RGS6: variants seen among roughly 807,000 people sequenced by gnomAD.
RGS6 encodes regulator of G-protein signaling 6.
In RGS6, 30 loss-of-function variants were observed where a neutral mutation model predicts 78.5. The observed-to-expected ratio is 0.38, with a 90% CI of 0.29 to 0.52. RGS6 has a LOEUF of 0.52. Ranked by LOEUF, RGS6 falls within the 20% of genes least tolerant of loss-of-function variation. The probability of loss-of-function intolerance (pLI) is 0.85; values close to 1 mark genes in which losing one functional copy is unlikely to be tolerated. For synonymous variants in RGS6, 206 were observed against 206.0 expected (o/e 1.00, Z 0.00); for missense variants, 495 against 609.7 (o/e 0.81, Z 1.98).
At chr14:72,215,422 A>G (rs1015239482) in intron 2 of RGS6, among the ~76,000 whole-genome samples, 1 of 152,204 alleles carries the variant, frequency 6.6e-6, no homozygotes, top group Non-Finnish European at 1.5e-5. Flanking sequence ...ATAGCACTTG[A>G]ACATAAATTT....
intron 2 of RGS6, among the ~76,000 whole-genome samples, chr14:72,272,313 G>A (rs2060063788): frequency 6.6e-6 from 1 of 152,142 alleles, no homozygotes; most frequent in Non-Finnish European, 1.5e-5. Context: ...GGAAAAGATG[G>A]ACAGCATGTT....
At chr14:72,268,425 C>T (rs1377804207) in intron 2 of RGS6, among the ~76,000 whole-genome samples, 1 of 152,194 alleles carries the variant, frequency 6.6e-6, no homozygotes, top group Non-Finnish European at 1.5e-5. Flanking sequence ...CAGGGTTTGA[C>T]AGGCAATGAA....
intron 2 of RGS6, among the ~76,000 whole-genome samples, chr14:72,268,696 AAGAG>A (rs2059449359): frequency 6.6e-6 from 1 of 152,202 alleles, no homozygotes; most frequent in Non-Finnish European, 1.5e-5. Context: ...GGGAGAGAGA[AAGAG>A]ACTTTAGGTG....
chr14:72,271,518 G>A (rs566056686), intron 2 of RGS6, among the ~76,000 whole-genome samples: 1 of 152,298 alleles, frequency 6.6e-6, no homozygotes. Context: ...ATCAACCACT[G>A]TAGACATGAC....
At chr14:72,504,279 C>A (rs552285326) in intron 13 of RGS6, among the ~76,000 whole-genome samples, 1 of 152,290 alleles carries the variant, frequency 6.6e-6, no homozygotes, top group South Asian at 2.1e-4. Flanking sequence ...TTTTTCAGAT[C>A]TTCAGGTTCT....
chr14:71,974,103 G>A (rs1417699349), intron 2 of RGS6, among the ~76,000 whole-genome samples: 1 of 152,002 alleles, frequency 6.6e-6, no homozygotes, highest in East Asian at 1.9e-4. Context: ...TTGGCAGGCA[G>A]TTGATCACTC....
At chr14:72,028,666 C>T (rs777918391) in intron 2 of RGS6, among the ~76,000 whole-genome samples, 12 of 152,154 alleles carry the variant, frequency 7.9e-5, no homozygotes, top group Non-Finnish European at 1.8e-4. Context: ...TCTAAGGCTG[C>T]GTCTGTGCTC....
chr14:72,571,622 A>G, the RGS6 span, among the ~76,000 whole-genome samples: 7 of 152,228 alleles, frequency 4.6e-5, no homozygotes, highest in Non-Finnish European at 8.8e-5. Context: ...AATGAAACAG[A>G]AGTAGAAAAA....
intron 12 of RGS6, among the ~76,000 whole-genome samples, chr14:72,488,561 A>G (rs1191356234): frequency 6.6e-6 from 1 of 152,202 alleles, no homozygotes; most frequent in Non-Finnish European, 1.5e-5. Context: ...TTACAGCTTA[A>G]ATAATCATAT....
intron 7 of RGS6, among the ~76,000 whole-genome samples, chr14:72,469,408 T>A (rs998000834): frequency 1.3e-5 from 2 of 152,194 alleles, no homozygotes; most frequent in Non-Finnish European, 2.9e-5. Context: ...GGTTTCACCC[T>A]GTTGACCAGG....
intron 3 of RGS6, among the ~76,000 whole-genome samples, chr14:72,429,255 G>A (rs2094537698): frequency 6.6e-6 from 1 of 152,182 alleles, no homozygotes; most frequent in Non-Finnish European, 1.5e-5. Flanking sequence ...TATTGATACT[G>A]CTCTAGGACC....
At chr14:72,297,466 C>T (rs993943712) in intron 2 of RGS6, among the ~76,000 whole-genome samples, 1 of 150,582 alleles carries the variant, frequency 6.6e-6, no homozygotes, top group Admixed American at 6.6e-5. Context: ...GGTACATGTG[C>T]ACATTGTGCA....
chr14:72,183,193 G>A (rs1056120608), intron 2 of RGS6, among the ~76,000 whole-genome samples: 1 of 152,192 alleles, frequency 6.6e-6, no homozygotes, highest in Non-Finnish European at 1.5e-5. Flanking sequence ...GCCAAGAATT[G>A]CAAGATATAA....
chr14:72,547,091 G>A (rs1249405479), intron 17 of RGS6: 2 of 1,325,686 alleles, frequency 1.5e-6, no homozygotes, highest in East Asian at 2.5e-5. Flanking sequence ...GGAGTGCAGG[G>A]CCCCCCGCAG....
chr14:71,893,239 G>A, the RGS6 span, among the ~76,000 whole-genome samples: 1 of 152,350 alleles, frequency 6.6e-6, no homozygotes, highest in Middle Eastern at 3.4e-3. Flanking sequence ...TTGCATTAGA[G>A]GGTTTGATCA....
intron 2 of RGS6, among the ~76,000 whole-genome samples, chr14:72,041,553 G>A (rs4899422): frequency 0.12 from 17,723 of 152,250 alleles, 1,047 homozygotes; most frequent in East Asian, 0.17. Context: ...AACACTGGAT[G>A]TGCATTCACT....
chr14:72,168,776 A>T (rs1212099899), intron 2 of RGS6, among the ~76,000 whole-genome samples: 1 of 152,160 alleles, frequency 6.6e-6, no homozygotes, highest in East Asian at 1.9e-4. Context: ...ATCTCCTGCT[A>T]CCTTGGACCC....
At chr14:71,992,349 C>A (rs1019215329) in intron 2 of RGS6, among the ~76,000 whole-genome samples, 1 of 152,176 alleles carries the variant, frequency 6.6e-6, no homozygotes, top group Admixed American at 6.5e-5. Flanking sequence ...ATTTTTAATG[C>A]CTAAATAGTG....
intron 2 of RGS6, among the ~76,000 whole-genome samples, chr14:71,986,346 C>T (rs1356920852): frequency 6.6e-6 from 1 of 152,108 alleles, no homozygotes; most frequent in East Asian, 1.9e-4. Context: ...TTGTCTGTAA[C>T]GTTTTCAGCA....
Sources: gnomAD v4.1 joint callset for allele counts (sites outside exome capture counted in the v4.1 genomes callset) on GRCh38, gnomAD v4.1.1 for gene constraint, MANE v1.5 for transcripts, NCBI Gene and HGNC (gene_info 2026-07-23, HGNC 2026-07-21) for gene names.